PADI6: variants seen among roughly 807,000 people sequenced by gnomAD.
PADI6 encodes peptidyl arginine deiminase 6.
A neutral mutation model predicts 78.2 loss-of-function variants in PADI6; 66 were observed. The observed-to-expected ratio is 0.84, with a 90% CI of 0.69 to 1.04. The LOEUF is 1.04. Among genes scored for constraint, PADI6 ranks in the 50% least tolerant of loss-of-function variants. The probability of loss-of-function intolerance (pLI) is 0.00; values close to 1 mark genes in which losing one functional copy is unlikely to be tolerated. For synonymous variants in PADI6, 397 were observed against 346.9 expected (o/e 1.14, Z -1.60); for missense variants, 854 against 866.1 (o/e 0.99, Z 0.18).
intron 6 of PADI6, among the ~76,000 whole-genome samples, chr1:17,386,733 C>G (rs996493325): frequency 6.6e-6 from 1 of 152,180 alleles, no homozygotes; most frequent in African/African-American, 2.4e-5. Flanking sequence ...GGGCCTGTAA[C>G]CAGCATCCCC....
At chr1:17,399,059 C>G (rs924624908) in intron 15 of PADI6, among the ~76,000 whole-genome samples, 1 of 152,144 alleles carries the variant, frequency 6.6e-6, no homozygotes, top group Non-Finnish European at 1.5e-5. Context: ...GTTCCCCAGG[C>G]AGTTACTATG....
At chr1:17,383,079 G>A (rs1003320312) in intron 6 of PADI6, among the ~76,000 whole-genome samples, 1 of 152,162 alleles carries the variant, frequency 6.6e-6, no homozygotes, top group East Asian at 1.9e-4. Flanking sequence ...TACTGCACCC[G>A]GCCCAACCTG....
intron 3 of PADI6, among the ~76,000 whole-genome samples, chr1:17,378,587 T>G (rs1400100360): frequency 6.6e-6 from 1 of 152,128 alleles, no homozygotes; most frequent in Non-Finnish European, 1.5e-5. Context: ...AAAGCCTAGA[T>G]CCTTAAGTGT....
intron 1 of PADI6, 91 bp downstream of exon 1, chr1:17,372,452 T>G (rs1570117582): frequency 2.5e-6 from 3 of 1,210,746 alleles, no homozygotes; most frequent in East Asian, 2.3e-5. Context: ...TGGGGGTTAC[T>G]TCTCTAGCCT....
chr1:17,383,148 T>C (rs2100299318), intron 6 of PADI6, among the ~76,000 whole-genome samples: 1 of 152,318 alleles, frequency 6.6e-6, no homozygotes, highest in African/African-American at 2.4e-5. Flanking sequence ...AGCTCTGTGG[T>C]CTATACTGTG....
chr1:17,374,148 G>A (rs1351331710), intron 2 of PADI6, among the ~76,000 whole-genome samples: 4 of 152,240 alleles, frequency 2.6e-5, no homozygotes, highest in South Asian at 4.1e-4. Flanking sequence ...CACCCAGTGC[G>A]GGGCTGGGGG....
rs547228133 is a variant in PADI6, at chr1:17,384,155, T to A, written c.679+2063T>A. On this transcript the variant is annotated intron_variant, in intron 6 of 15. Transcript: ENST00000619609. ...GGGACTCTGTCTCAAAAAAAAAAAC[T>A]TAAAAATCAGGGTAGGGCAACACAG... 2.0e-4 allele frequency among the ~76,000 whole-genome samples: 30 copies of A among 151,496 alleles called. No homozygotes were observed. The South Asian group carries it at 5.4e-3, about 27-fold the overall frequency.
At chr1:17,382,243 C>T (rs76447285) in intron 6 of PADI6, among the ~76,000 whole-genome samples, 151 bp downstream of exon 6, 1,569 of 152,270 alleles carry the variant, frequency 0.01, 33 homozygotes, top group African/African-American at 0.036. Context: ...CTTGTGTTTC[C>T]AGGATTCTCT....
At chr1:17,387,320 C>G (rs1015580273) in intron 6 of PADI6, among the ~76,000 whole-genome samples, 12 of 152,014 alleles carry the variant, frequency 7.9e-5, no homozygotes, top group Non-Finnish European at 1.6e-4. Context: ...TGGTGCACAC[C>G]TATAGTCCTA....
Position 17,375,373 on chromosome 1 carries a change from T to A in PADI6, c.295-54T>A, listed in dbSNP as rs1451280917. ...CTCGGCACATGGCCTGGGGCTCTGT[T>A]CCTGGCACCTCCCGTCCAACACTGC... On this transcript the variant is annotated intron_variant, in intron 2 of 15. Coordinates refer to ENST00000619609, the MANE Select transcript of PADI6 (RefSeq NM_207421.4). 2.0e-6 allele frequency: 3 copies of A among 1,512,248 alleles called. No homozygotes were observed. In the East Asian group the frequency reaches 7.0e-5, roughly 35 times the overall value. The allele number at this position is 1,512,248 out of a possible 1,614,324, so 93.7% of individuals were successfully genotyped here.
chr1:17,374,013 G>A (rs774983407), intron 2 of PADI6, among the ~76,000 whole-genome samples: 3 of 152,044 alleles, frequency 2.0e-5, no homozygotes, highest in African/African-American at 7.3e-5. Flanking sequence ...TTGGTTGCAG[G>A]TGAGAACCAC....
intron 12 of PADI6, among the ~76,000 whole-genome samples, 175 bp from the exon 13 acceptor site, chr1:17,395,365 G>C (rs2075236269): frequency 6.6e-6 from 1 of 152,008 alleles, no homozygotes; most frequent in African/African-American, 2.4e-5. Context: ...CACCACACCT[G>C]GCTCATTTTT....
rs924357788 is a variant in PADI6, at chr1:17,380,001, C to G, written c.435+14C>G. ...AAACAGGCTAAGGTGAGTCTGCCAG[C>G]AAAAGGGGGCAGGGAAGGGGCCCTA... On this transcript the variant is annotated intron_variant, in intron 4 of 15. Transcript: ENST00000619609. 6.2e-7 allele frequency: 1 copy of G among 1,612,872 alleles called. No individual in the cohort carries two copies. Among genetic ancestry groups the G allele is most frequent in the African/African-American group, 1.3e-5 (1 of 74,908 alleles).
intron 6 of PADI6, among the ~76,000 whole-genome samples, chr1:17,382,507 C>T (rs6586535): frequency 0.64 from 97,218 of 152,036 alleles, 31,162 homozygotes; most frequent in South Asian, 0.67. Context: ...AAATCTGAGG[C>T]CAAAACCTCT....
intron 6 of PADI6, among the ~76,000 whole-genome samples, chr1:17,386,097 T>C (rs537146332): frequency 6.6e-6 from 1 of 152,064 alleles, no homozygotes. Context: ...CCTGGGCAGC[T>C]CTGTGAGGAC....
At chr1:17,383,367 GC>G (rs1323454291) in intron 6 of PADI6, among the ~76,000 whole-genome samples, 1 of 152,192 alleles carries the variant, frequency 6.6e-6, no homozygotes, top group Admixed American at 6.5e-5. Flanking sequence ...GCTAGAGTGA[GC>G]CGAAGAAACC....
intron 14 of PADI6, among the ~76,000 whole-genome samples, chr1:17,398,079 C>A (rs1455538850): frequency 2.0e-5 from 3 of 152,172 alleles, no homozygotes; most frequent in Non-Finnish European, 4.4e-5. Context: ...AGCTTAGGCC[C>A]AGAGAAGGGT....
rs199561322 is a variant in PADI6, at chr1:17,375,466, G to A, written c.334G>A (p.Val112Met). 2.3e-4 allele frequency: 364 copies of A among 1,610,538 alleles called. No individual in the cohort carries two copies. The highest frequency in any genetic ancestry group is 2.7e-4 in the Non-Finnish European group (322 of 1,178,584). ...CTATGGGCCCAACGAGGATGCCCCC[G>A]TGGGCACAGCTGTGCTGTACCTCAC... ...TYYGPNEDAPVGTAVLYLTGI... is the reference protein window; with the variant it reads ...TYYGPNEDAPMGTAVLYLTGI... The change falls in exon 3 of 16, where the codon GTG (valine) becomes ATG (methionine). Residue 112 changes from valine (V) to methionine (M), a missense_variant. By Grantham distance (21) the Val-to-Met change is conservative. Coordinates refer to ENST00000619609, the MANE Select transcript of PADI6 (RefSeq NM_207421.4).
chr1:17,388,420 A>G lies in PADI6; in HGVS notation c.719A>G (p.Asp240Gly), dbSNP rs1423721883. Residue 240 changes from aspartate (D) to glycine (G), a missense_variant, in exon 7 of 16, where the codon GAC becomes GGC. Asp to Gly is a moderately conservative substitution (Grantham distance 94). Coordinates refer to ENST00000619609, the MANE Select transcript of PADI6 (RefSeq NM_207421.4). ...ACCTTTGAGTTGGTGCTGGGGCCCGACCAGCACGCCTATACCTTGGCCCTC... is the reference window on the plus strand; with the variant it reads ...ACCTTTGAGTTGGTGCTGGGGCCCGGCCAGCACGCCTATACCTTGGCCCTC... The part of the protein sequence containing the change: ...SSTFELVLGP[D>G]QHAYTLALLG... 3 of 1,613,612 alleles carry G rather than the reference A, an allele frequency of 1.9e-6. No homozygotes were observed. In the South Asian group the frequency reaches 3.3e-5, roughly 18 times the overall value.
Sources: allele counts gnomAD v4.1 joint callset (sites outside exome capture counted in the v4.1 genomes callset), GRCh38; gene constraint gnomAD v4.1.1; transcripts MANE v1.5; gene names NCBI Gene and HGNC (gene_info 2026-07-23, HGNC 2026-07-21).